The following TMEM178B variants were observed in gnomAD, a reference collection of about 807,000 sequenced individuals.
TMEM178B encodes the protein transmembrane protein 178B.
In TMEM178B, 5 loss-of-function variants were observed where a neutral mutation model predicts 31.0. The ratio of observed to expected loss-of-function variants is 0.16; its 90% confidence interval spans 0.08 to 0.34. TMEM178B has a LOEUF of 0.34. TMEM178B is among the 10% of genes least tolerant of loss of function. The probability of loss-of-function intolerance (pLI) is 1.00; values close to 1 mark genes in which losing one functional copy is unlikely to be tolerated. For missense variants in TMEM178B, 275 were observed against 400.3 expected (o/e 0.69, Z 2.67); for synonymous variants, 164 against 164.0 (o/e 1.00, Z 0.00).
intron 2 of TMEM178B, among the ~76,000 whole-genome samples, chr7:141,234,325 G>A (rs115427198): frequency 0.014 from 2,083 of 152,260 alleles, 63 homozygotes; most frequent in African/African-American, 0.047. Flanking sequence ...AGAGTTTTAT[G>A]GGATTTCAAA....
At chr7:141,248,826 C>T (rs986314080) in intron 2 of TMEM178B, among the ~76,000 whole-genome samples, 1 of 152,164 alleles carries the variant, frequency 6.6e-6, no homozygotes, top group Non-Finnish European at 1.5e-5. Context: ...ACACTTAGGC[C>T]ACCCTCAATT....
chr7:141,442,944 G>C (rs1356012525), intron 3 of TMEM178B, among the ~76,000 whole-genome samples: 1 of 152,214 alleles, frequency 6.6e-6, no homozygotes, highest in African/African-American at 2.4e-5. Flanking sequence ...CAAGGCGTCA[G>C]CTGGGGCTGG....
At chr7:141,450,320 G>C (rs1277952098) in intron 3 of TMEM178B, among the ~76,000 whole-genome samples, 2 of 152,218 alleles carry the variant, frequency 1.3e-5, no homozygotes, top group African/African-American at 4.8e-5. Flanking sequence ...TGGGCAACCA[G>C]TTGTTAAGTA....
chr7:141,282,085 C>G (rs1798374840), intron 2 of TMEM178B, among the ~76,000 whole-genome samples: 1 of 152,094 alleles, frequency 6.6e-6, no homozygotes, highest in South Asian at 2.1e-4. Flanking sequence ...AGGTGTGAAC[C>G]AGGCCAGGGC....
Position 141,129,638 on chromosome 7 carries a change from C to T in TMEM178B, c.382+54946C>T, listed in dbSNP as rs1795562260. On this transcript the variant is annotated intron_variant, in intron 1 of 3. Coordinates refer to ENST00000565468, the MANE Select transcript of TMEM178B (RefSeq NM_001195278.2). ...CATATTGTTGATGAAAAGAGTCAAA[C>T]TCTTAAAATTATTTGAAGAGATATA... 2.0e-5 allele frequency among the ~76,000 whole-genome samples: 3 copies of T among 152,174 alleles called. No individual in the cohort carries two copies. In the South Asian group the frequency reaches 6.2e-4, roughly 32 times the overall value.
chr7:141,490,707 GC>G, the TMEM178B span, among the ~76,000 whole-genome samples: 1 of 152,264 alleles, frequency 6.6e-6, no homozygotes, highest in African/African-American at 2.4e-5. Context: ...TTTCAAAGAA[GC>G]TTTCCCTTTT....
Position 141,318,016 on chromosome 7 carries a change from A to T in TMEM178B, c.496+105312A>T, listed in dbSNP as rs1799036017. On this transcript the variant is annotated intron_variant, in intron 2 of 3. Transcript: ENST00000565468. This position sits in a 1 kb window ranked among gnomAD's most constrained non-coding sequence, Gnocchi z 4.1. ...TTAGATTTTGGCTTAAAAAAAGAAG[A>T]TGGGTGTTTGGGGAGGGAATTATAG... is the stretch of plus-strand genomic sequence containing the variant. Among the ~76,000 whole-genome samples the T allele has an allele frequency of 6.6e-6, 1 of 152,204 alleles. No homozygotes were observed. Among genetic ancestry groups the T allele is most frequent in the South Asian group, 2.1e-4 (1 of 4,832 alleles).
At chr7:141,170,797 G>A (rs924150852) in intron 1 of TMEM178B, among the ~76,000 whole-genome samples, 12 of 152,306 alleles carry the variant, frequency 7.9e-5, no homozygotes, top group East Asian at 3.9e-4. Flanking sequence ...TCCTGGACCA[G>A]CCCCTGTTGG....
chr7:141,125,680 G>GAAA (rs774508037), intron 1 of TMEM178B, among the ~76,000 whole-genome samples: 2 of 78,744 alleles, frequency 2.5e-5, no homozygotes, highest in African/African-American at 4.5e-5. Flanking sequence ...ACTCCATCTC[G>GAAA]AAAAAAAAAA....
At chr7:141,230,211 T>G (rs1797419500) in intron 2 of TMEM178B, among the ~76,000 whole-genome samples, 2 of 152,184 alleles carry the variant, frequency 1.3e-5, no homozygotes, top group Admixed American at 1.3e-4. Flanking sequence ...GATAATTTGT[T>G]TAGGATAAAT....
At chr7:141,138,149 C>T (rs779004207) in intron 1 of TMEM178B, among the ~76,000 whole-genome samples, 18 of 151,798 alleles carry the variant, frequency 1.2e-4, no homozygotes, top group Non-Finnish European at 1.8e-4. Context: ...GCAAGCTCCA[C>T]CTCCAGGGTT....
intron 3 of TMEM178B, among the ~76,000 whole-genome samples, chr7:141,465,608 G>A (rs773165528): frequency 3.0e-4 from 46 of 152,266 alleles, no homozygotes; most frequent in Admixed American, 1.5e-3. Context: ...ATGGCACCGC[G>A]TTATTCATTC....
At chr7:141,191,399 G>T (rs1796693257) in intron 1 of TMEM178B, among the ~76,000 whole-genome samples, 1 of 152,230 alleles carries the variant, frequency 6.6e-6, no homozygotes, top group Non-Finnish European at 1.5e-5. Flanking sequence ...TTGAGGCTTT[G>T]TAATTTTGAG....
At chr7:141,336,918 C>CCATCACCACCACCATCACCACCACCAT (rs202194389) in intron 2 of TMEM178B, among the ~76,000 whole-genome samples, 1 of 132,860 alleles carries the variant, frequency 7.5e-6, no homozygotes, top group Admixed American at 7.5e-5. Context: ...ATCACCACCA[C>CCATCACCACCACCATCACCACCACCAT]CACCACCACC....
chr7:141,375,323 T>C (rs1463047015), intron 2 of TMEM178B, among the ~76,000 whole-genome samples: 1 of 152,216 alleles, frequency 6.6e-6, no homozygotes, highest in Non-Finnish European at 1.5e-5. Context: ...TCCCCATCAT[T>C]TCAGGGTCAT....
At chr7:141,348,978 A>G (rs2116525177) in intron 2 of TMEM178B, among the ~76,000 whole-genome samples, 1 of 152,282 alleles carries the variant, frequency 6.6e-6, no homozygotes, top group East Asian at 1.9e-4. Flanking sequence ...AGGACCATGA[A>G]ATGTTCCCAC....
intron 1 of TMEM178B, among the ~76,000 whole-genome samples, chr7:141,107,566 G>A (rs1045568670): frequency 1.3e-5 from 2 of 152,188 alleles, no homozygotes; most frequent in Admixed American, 1.3e-4. Flanking sequence ...CTCAGGGAAA[G>A]CTCCACAGTT....
intron 2 of TMEM178B, among the ~76,000 whole-genome samples, chr7:141,278,624 A>G (rs973039049): frequency 2.6e-5 from 4 of 152,098 alleles, no homozygotes; most frequent in Admixed American, 6.6e-5. Context: ...AAGATTGCAA[A>G]TGCCTCTTGA....
At chr7:141,279,931 T>C (rs193194532) in intron 2 of TMEM178B, among the ~76,000 whole-genome samples, 1 of 152,360 alleles carries the variant, frequency 6.6e-6, no homozygotes, top group Non-Finnish European at 1.5e-5. Context: ...CTTTGTGTAA[T>C]ACACAATACT....
Sources: gnomAD v4.1 joint callset for allele counts (sites outside exome capture counted in the v4.1 genomes callset) on GRCh38, gnomAD v4.1.1 for gene constraint, Gnocchi (gnomAD v3.1) non-coding constraint, MANE v1.5 for transcripts, NCBI Gene and HGNC (gene_info 2026-07-23, HGNC 2026-07-21) for gene names.